Variants in TRAP1 observed in about 807,000 individuals in gnomAD.
The protein encoded by TRAP1 is heat shock protein 75 kDa, mitochondrial.
TRAP1 carries 102 observed loss-of-function variants against 89.1 expected under a neutral mutation model. That is an observed-to-expected ratio of 1.15 (90% CI 0.98 to 1.35). The LOEUF (loss-of-function observed/expected upper bound fraction) is 1.35, where lower values mean the gene tolerates loss of function less well. Among genes scored for constraint, TRAP1 ranks in the 40% most tolerant of loss-of-function variants. The probability of loss-of-function intolerance (pLI) is 0.00; values close to 1 mark genes in which losing one functional copy is unlikely to be tolerated. For synonymous variants in TRAP1, 508 were observed against 388.0 expected (o/e 1.31, Z -3.64); for missense variants, 1,256 against 945.3 (o/e 1.33, Z -4.31).
At chr16:3,677,443 G>A in intron 6 of TRAP1, 55 bp downstream of exon 6, 1 of 1,611,140 alleles carries the variant, frequency 6.2e-7, no homozygotes, top group Non-Finnish European at 8.5e-7. Context: ...CAAACTCCAT[G>A]CTAAGGGCTC....
At chr16:3,667,118 AG>A (rs1567226546) in intron 11 of TRAP1, among the ~76,000 whole-genome samples, 1 of 152,108 alleles carries the variant, frequency 6.6e-6, no homozygotes, top group Non-Finnish European at 1.5e-5. Flanking sequence ...TGCAGAGCCC[AG>A]GGAAGGTGTC....
At chr16:3,670,537 C>CA (rs375398636) in intron 11 of TRAP1, among the ~76,000 whole-genome samples, 2 of 151,384 alleles carry the variant, frequency 1.3e-5, no homozygotes, top group East Asian at 1.9e-4. Context: ...CCCAACTCTA[C>CA]AAAAAAATAC....
chr16:3,679,844 G>T, intron 4 of TRAP1, 54 bp from the exon 5 acceptor site: 1 of 1,576,818 alleles, frequency 6.3e-7, no homozygotes, highest in Non-Finnish European at 8.7e-7. Flanking sequence ...GGAGCCGGGT[G>T]AGTGCACCAG....
intron 6 of TRAP1, 142 bp from the exon 7 acceptor site, chr16:3,676,287 A>G (rs927475341): frequency 2.2e-5 from 11 of 502,808 alleles, no homozygotes; most frequent in African/African-American, 2.0e-4. Context: ...TTCTGACCCC[A>G]GCGCACCACT....
chr16:3,658,222 C>T lies in TRAP1; in HGVS notation c.2022G>A (p.Glu674=), dbSNP rs1442675837. 1 of 1,613,650 alleles carries T rather than the reference C, an allele frequency of 6.2e-7. No individual in the cohort carries two copies. The highest frequency in any genetic ancestry group is 8.5e-7 in the Non-Finnish European group (1 of 1,179,854). The change falls in exon 18 of 18, where the codon GAG becomes GAA. Residue 674 remains glutamate, a synonymous_variant. Coordinates refer to ENST00000246957, the MANE Select transcript of TRAP1 (RefSeq NM_016292.3). ...LAQLLVDQIY[E]NAMIAAGLVD... ...CAAGTCCAGCAGCAATCATGGCGTT[C>T]TCGTATATCTGAAAGGCAAGAGGAG...
rs962852228 is a variant in TRAP1 at position 3,671,032 on chromosome 16, C to T, written c.1235+690G>A. 5.9e-5 allele frequency among the ~76,000 whole-genome samples: 9 copies of T among 152,146 alleles called. No homozygotes were observed. The East Asian group carries it at 1.2e-3, about 20-fold the overall frequency. The stretch of plus-strand genomic sequence containing the variant: ...TTCCATTTCAACACTGGAGAGAAAC[C>T]GGTGGGCAGAGAAACACTGCAGGCA... On this transcript the variant is annotated intron_variant, in intron 11 of 17. Coordinates refer to ENST00000246957, the MANE Select transcript of TRAP1 (RefSeq NM_016292.3).
chr16:3,676,682 G>A (rs2051000537), intron 6 of TRAP1: 3 of 152,772 alleles, frequency 2.0e-5, no homozygotes, highest in African/African-American at 7.2e-5. Context: ...GTCAAGCTGA[G>A]CACAGTGCAC....
intron 16 of TRAP1, 139 bp downstream of exon 16, chr16:3,661,848 C>A (rs1482759963): frequency 3.4e-6 from 4 of 1,165,042 alleles, no homozygotes; most frequent in Non-Finnish European, 4.6e-6. Context: ...GCCTAAACTG[C>A]ATACAGCTCC....
Position 3,676,129 on chromosome 16 carries a change from T to A in TRAP1, c.721A>T (p.Ile241Phe), listed in dbSNP as rs769861450. ...GTTCTAACTCCCGAAGCTTCGGCGA[T>A]TTCAAACACTCCAGAACTAAGGCAG... ...WLSDGSGVFE[I>F]AEASGVRTGT... The change falls in exon 7 of 18, where the codon ATC (isoleucine) becomes TTC (phenylalanine). Residue 241 changes from isoleucine (I) to phenylalanine (F), a missense_variant. By Grantham distance (21) the Ile-to-Phe change is conservative. Transcript: ENST00000246957. 2.1e-5 allele frequency: 34 copies of A among 1,613,772 alleles called. No homozygotes were observed. The highest frequency in any genetic ancestry group is 2.9e-5 in the Non-Finnish European group (34 of 1,179,890).
intron 17 of TRAP1, 181 bp downstream of exon 17, chr16:3,658,612 G>T: frequency 1.6e-6 from 1 of 621,292 alleles, no homozygotes; most frequent in Admixed American, 2.9e-5. Context: ...GGCAGAGGTT[G>T]TAGTGAGCCA....
chr16:3,685,886 G>T, intron 4 of TRAP1, 110 bp downstream of exon 4: 1 of 1,319,612 alleles, frequency 7.6e-7, no homozygotes, highest in Non-Finnish European at 1.0e-6. Flanking sequence ...AGTTATCCTG[G>T]TGGTACGGAC....
chr16:3,696,141 C>T (rs2051284176), intron 1 of TRAP1, among the ~76,000 whole-genome samples: 1 of 152,200 alleles, frequency 6.6e-6, no homozygotes, highest in South Asian at 2.1e-4. Context: ...CCAGGGAAAG[C>T]CTTTGTCCTG....
intron 1 of TRAP1, among the ~76,000 whole-genome samples, chr16:3,695,296 C>T (rs973728756): frequency 6.6e-6 from 1 of 152,108 alleles, no homozygotes; most frequent in Non-Finnish European, 1.5e-5. Context: ...GCTGGCAGAG[C>T]TGAGGGAACA....
At chr16:3,662,205 G>T in intron 15 of TRAP1, 73 bp from the exon 16 acceptor site, 1 of 1,548,656 alleles carries the variant, frequency 6.5e-7, no homozygotes. Flanking sequence ...CTTACCAGGG[G>T]TGAAGGTCAC....
At chr16:3,681,181 A>G (rs1448564283) in intron 4 of TRAP1, among the ~76,000 whole-genome samples, 5 of 152,152 alleles carry the variant, frequency 3.3e-5, no homozygotes, top group Non-Finnish European at 5.9e-5. Context: ...AAGCCTCCAC[A>G]TCTATGAATT....
intron 11 of TRAP1, among the ~76,000 whole-genome samples, chr16:3,668,187 G>T (rs944815339): frequency 2.6e-5 from 4 of 151,996 alleles, no homozygotes; most frequent in Non-Finnish European, 5.9e-5. Context: ...CTCCCAAAGT[G>T]CTGGGATTAC....
chr16:3,677,378 T>C, intron 6 of TRAP1, 120 bp downstream of exon 6: 1 of 1,350,446 alleles, frequency 7.4e-7, no homozygotes, highest in South Asian at 1.3e-5. Flanking sequence ...AGAGTCAGAT[T>C]TCATATAAAA....
At chr16:3,695,373 A>G (rs902800670) in intron 1 of TRAP1, among the ~76,000 whole-genome samples, 13 of 151,960 alleles carry the variant, frequency 8.6e-5, no homozygotes, top group Non-Finnish European at 1.8e-4. Context: ...TCATACTCAA[A>G]AAACAAACCA....
rs938594106 is a variant in TRAP1, at chr16:3,675,353, A to C, written c.859T>G (p.Leu287Val). 9.9e-6 allele frequency: 16 copies of C among 1,614,098 alleles called. No homozygotes were observed. The highest frequency in any genetic ancestry group is 1.4e-5 in the Non-Finnish European group (16 of 1,179,952). ...AAGGTGTTCATCCGCCTTCCATTCAAGTACAAGGGGAAGCTGACGAAGTTG... is the reference window on the plus strand; with the variant it reads ...AAGGTGTTCATCCGCCTTCCATTCACGTACAAGGGGAAGCTGACGAAGTTG... The part of the protein sequence containing the change: ...YSNFVSFPLY[L>V]NGRRMNTLQA... Residue 287 changes from leucine (L) to valine (V), a missense_variant, in exon 8 of 18, where the codon TTG becomes GTG. Transcript: ENST00000246957.
Sources: gnomAD v4.1 joint callset for allele counts (sites outside exome capture counted in the v4.1 genomes callset) on GRCh38, gnomAD v4.1.1 for gene constraint, MANE v1.5 for transcripts, NCBI Gene and HGNC (gene_info 2026-07-23, HGNC 2026-07-21) for gene names.